Variants in SWAP70 observed in about 807,000 individuals in gnomAD.
The protein encoded by SWAP70 is switching B cell complex subunit SWAP70.
SWAP70 carries 34 observed loss-of-function variants against 80.2 expected under a neutral mutation model. The observed-to-expected ratio is 0.42, with a 90% CI of 0.32 to 0.56. The LOEUF (loss-of-function observed/expected upper bound fraction) is 0.56, where lower values mean the gene tolerates loss of function less well. Ranked by LOEUF, SWAP70 falls within the 20% of genes least tolerant of loss-of-function variation. The pLI is 0.09. For missense variants in SWAP70, 578 were observed against 690.7 expected (o/e 0.84, Z 1.83); for synonymous variants, 239 against 238.5 (o/e 1.00, Z -0.02).
Position 9,724,831 on chromosome 11 carries a change from G to A in SWAP70, c.588G>A (p.Val196=). 1 of 1,613,974 alleles carries A rather than the reference G, an allele frequency of 6.2e-7. No homozygotes were observed. Among genetic ancestry groups the A allele is most frequent in the South Asian group, 1.1e-5 (1 of 91,070 alleles). ...GCAAAGGCATGGACCGGCAGACTGT[G>A]TCTATGGCAATTAATGAAGTCTTTA... ...QFSKGMDRQT[V]SMAINEVFNE... is the part of the protein sequence containing the mutation. The change falls in exon 4 of 12, where the codon GTG becomes GTA. Residue 196 remains valine, a synonymous_variant. Transcript: ENST00000318950.
chr11:9,672,577 C>T (rs1280355364), intron 1 of SWAP70, among the ~76,000 whole-genome samples: 1 of 116,752 alleles, frequency 8.6e-6, no homozygotes, highest in Non-Finnish European at 1.7e-5. Flanking sequence ...TCTCACTTTG[C>T]TGCTTAGGCT....
Position 9,724,820 on chromosome 11 carries a change from C to A in SWAP70, c.577C>A (p.Arg193=), listed in dbSNP as rs560808312. 2 of 1,613,758 alleles carry A rather than the reference C, an allele frequency of 1.2e-6. No individual in the cohort carries two copies. Among genetic ancestry groups the A allele is most frequent in the African/African-American group, 2.7e-5 (2 of 74,852 alleles). The part of the protein sequence containing the change: ...GNGQFSKGMD[R]QTVSMAINEV... Reference sequence around the variant, plus strand: ...TGGACAGTTTAGCAAAGGCATGGACCGGCAGACTGTGTCTATGGCAATTAA... The same window carrying A: ...TGGACAGTTTAGCAAAGGCATGGACAGGCAGACTGTGTCTATGGCAATTAA... The change falls in exon 4 of 12, where the codon CGG becomes AGG. Residue 193 remains arginine (R), a synonymous_variant. Transcript: ENST00000318950.
chr11:9,706,570 C>T (rs1185128138), intron 2 of SWAP70, among the ~76,000 whole-genome samples: 1 of 152,024 alleles, frequency 6.6e-6, no homozygotes, highest in East Asian at 1.9e-4. Context: ...TTGTCATTTC[C>T]CTGCCTCCTC....
chr11:9,680,213 C>G (rs1403755148), intron 1 of SWAP70, among the ~76,000 whole-genome samples: 1 of 152,094 alleles, frequency 6.6e-6, no homozygotes, highest in East Asian at 1.9e-4. Flanking sequence ...CATGAAATGA[C>G]CACAATGACG....
At chr11:9,669,419 AG>A (rs1296833324) in intron 1 of SWAP70, among the ~76,000 whole-genome samples, 2 of 152,142 alleles carry the variant, frequency 1.3e-5, no homozygotes, top group East Asian at 1.9e-4. Context: ...TAGTGGAGAC[AG>A]GGTTTCACCA....
At chr11:9,719,271 G>T (rs113876192) in intron 3 of SWAP70, among the ~76,000 whole-genome samples, 3 of 151,798 alleles carry the variant, frequency 2.0e-5, no homozygotes, top group Non-Finnish European at 4.4e-5. Context: ...CCAGGCAGGG[G>T]TGCTGAAGTG....
chr11:9,687,049 A>G (rs1242216998), intron 1 of SWAP70, among the ~76,000 whole-genome samples: 6 of 152,216 alleles, frequency 3.9e-5, no homozygotes, highest in African/African-American at 1.2e-4. Flanking sequence ...GATTACTAGC[A>G]AGATTAAGCA....
intron 3 of SWAP70, among the ~76,000 whole-genome samples, chr11:9,724,411 GACAAATATAC>G (rs767035930): frequency 1.1e-4 from 16 of 152,160 alleles, no homozygotes; most frequent in Non-Finnish European, 1.9e-4. Flanking sequence ...TAGTTCTGCA[GACAAATATAC>G]TACACTATTA....
intron 2 of SWAP70, among the ~76,000 whole-genome samples, chr11:9,699,574 G>T (rs1850805426): frequency 6.6e-6 from 1 of 152,120 alleles, no homozygotes; most frequent in Non-Finnish European, 1.5e-5. Context: ...ATAGACACTG[G>T]TTGGGCACAG....
At chr11:9,671,459 T>C (rs1590006202) in intron 1 of SWAP70, among the ~76,000 whole-genome samples, 1 of 103,160 alleles carries the variant, frequency 9.7e-6, no homozygotes, top group Non-Finnish European at 1.7e-5. Flanking sequence ...TTTATAAATA[T>C]ATATATAAAT....
At chr11:9,673,337 A>G (rs1850444315) in intron 1 of SWAP70, among the ~76,000 whole-genome samples, 1 of 152,214 alleles carries the variant, frequency 6.6e-6, no homozygotes, top group Non-Finnish European at 1.5e-5. Flanking sequence ...AAGGATACAA[A>G]TAGACAGATG....
intron 3 of SWAP70, among the ~76,000 whole-genome samples, chr11:9,716,472 A>G (rs962723455): frequency 1.3e-5 from 2 of 152,140 alleles, no homozygotes; most frequent in Non-Finnish European, 2.9e-5. Context: ...CACCTCTACC[A>G]CTTATTAGCT....
chr11:9,681,899 G>A (rs970190099), intron 1 of SWAP70, among the ~76,000 whole-genome samples: 2 of 152,228 alleles, frequency 1.3e-5, no homozygotes, highest in African/African-American at 4.8e-5. Context: ...AAAACCTTTA[G>A]AGGAACATGA....
intron 7 of SWAP70, among the ~76,000 whole-genome samples, chr11:9,737,626 G>C (rs972089705): frequency 6.6e-6 from 1 of 152,204 alleles, no homozygotes; most frequent in Non-Finnish European, 1.5e-5. Context: ...GGCTGGGCAT[G>C]GTGGCTTACA....
rs546343920 is a variant in SWAP70, at chr11:9,691,745, G to A, written c.100-2401G>A. Among the ~76,000 whole-genome samples, 11 of 152,318 alleles carry A rather than the reference G, an allele frequency of 7.2e-5. 1 individual carries two copies. In the South Asian group the frequency reaches 2.3e-3, roughly 32 times the overall value. ...AAACAAATTTAATATCTGTGAGTCT[G>A]TAGTCACCATTTATAAGATGAGGAT... is the stretch of plus-strand genomic sequence containing the variant. On this transcript the variant is annotated intron_variant, in intron 1 of 11. Transcript: ENST00000318950.
At chr11:9,683,370 C>T (rs903545078) in intron 1 of SWAP70, among the ~76,000 whole-genome samples, 1 of 151,538 alleles carries the variant, frequency 6.6e-6, no homozygotes, top group African/African-American at 2.4e-5. Context: ...GAGCCCAGAT[C>T]GAGCTACTGC....
At chr11:9,701,809 A>G (rs1850837070) in intron 2 of SWAP70, among the ~76,000 whole-genome samples, 2 of 151,790 alleles carry the variant, frequency 1.3e-5, no homozygotes, top group Admixed American at 1.3e-4. Flanking sequence ...AGTATATAAA[A>G]AACTAGTTTT....
intron 1 of SWAP70, among the ~76,000 whole-genome samples, chr11:9,678,459 G>C (rs1307916266): frequency 6.9e-6 from 1 of 144,806 alleles, no homozygotes; most frequent in Non-Finnish European, 1.5e-5. Flanking sequence ...TTTTCAGTGA[G>C]ATAACTTGGA....
intron 1 of SWAP70, among the ~76,000 whole-genome samples, chr11:9,687,188 A>G (rs1850643596): frequency 6.6e-6 from 1 of 152,264 alleles, no homozygotes; most frequent in African/African-American, 2.4e-5. Context: ...AGGTTCATAC[A>G]GTATGTACAA....
Sources: allele counts gnomAD v4.1 joint callset (sites outside exome capture counted in the v4.1 genomes callset), GRCh38; gene constraint gnomAD v4.1.1; transcripts MANE v1.5; gene names NCBI Gene and HGNC (gene_info 2026-07-23, HGNC 2026-07-21).